The following WWC2 variants were observed in gnomAD, a reference collection of about 807,000 sequenced individuals.
The protein encoded by WWC2 is protein WWC2.
A neutral mutation model predicts 138.5 loss-of-function variants in WWC2; 101 were observed. That is an observed-to-expected ratio of 0.73 (90% CI 0.62 to 0.86). WWC2 has a LOEUF of 0.86. Ranked by LOEUF, WWC2 falls within the 40% of genes least tolerant of loss-of-function variation. The pLI is 0.00. For missense variants in WWC2, 1,420 were observed against 1,419.4 expected, an observed-to-expected ratio of 1.00 and a Z score of -0.01; for synonymous variants, 558 against 538.4, an observed-to-expected ratio of 1.04 and a Z score of -0.50.
intron 4 of WWC2, among the ~76,000 whole-genome samples, chr4:183,210,419 TGTTAAATAA>T (rs1183038193): frequency 3.9e-5 from 6 of 152,148 alleles, no homozygotes; most frequent in Admixed American, 1.3e-4. Flanking sequence ...TTAGGATTCT[TGTTAAATAA>T]GTTAAATAAG....
At chr4:183,120,305 C>G (rs915877486) in intron 1 of WWC2, among the ~76,000 whole-genome samples, 1 of 152,142 alleles carries the variant, frequency 6.6e-6, no homozygotes, top group African/African-American at 2.4e-5. Flanking sequence ...GAATGAAATA[C>G]TGTGAATTGT....
chr4:183,185,337 T>C (rs1272603851), intron 1 of WWC2, among the ~76,000 whole-genome samples: 4 of 152,198 alleles, frequency 2.6e-5, no homozygotes, highest in Non-Finnish European at 5.9e-5. Flanking sequence ...TTTTTTAGCT[T>C]AAGTAGTCAG....
intron 4 of WWC2, among the ~76,000 whole-genome samples, chr4:183,223,981 C>T (rs1735998428): frequency 6.6e-6 from 1 of 152,202 alleles, no homozygotes; most frequent in African/African-American, 2.4e-5. Flanking sequence ...TCCCCCCCAC[C>T]TCGGCCTCCC....
chr4:183,212,872 C>G (rs139574698), intron 4 of WWC2, among the ~76,000 whole-genome samples: 149 of 152,158 alleles, frequency 9.8e-4, no homozygotes, highest in African/African-American at 3.2e-3. Context: ...GTTTAGTTCG[C>G]TCTTAATATC....
At chr4:183,278,151 T>C (rs1368868391) in intron 16 of WWC2, among the ~76,000 whole-genome samples, 2 of 152,188 alleles carry the variant, frequency 1.3e-5, no homozygotes, top group African/African-American at 4.8e-5. Flanking sequence ...AATTGATTTT[T>C]GTATAAGGTA....
chr4:183,136,202 C>G (rs2111084153), intron 1 of WWC2, among the ~76,000 whole-genome samples: 1 of 152,036 alleles, frequency 6.6e-6, no homozygotes, highest in Admixed American at 6.6e-5. Context: ...CATATTGCCT[C>G]TCTCCCATTC....
At chr4:183,217,595 A>C (rs973493297) in intron 4 of WWC2, among the ~76,000 whole-genome samples, 4 of 152,126 alleles carry the variant, frequency 2.6e-5, no homozygotes, top group South Asian at 2.1e-4. Context: ...ATTAAAAAAA[A>C]CAAAATGGAA....
chr4:183,194,992 T>C (rs570766709), intron 2 of WWC2, among the ~76,000 whole-genome samples: 2 of 152,384 alleles, frequency 1.3e-5, no homozygotes, highest in East Asian at 3.9e-4. Context: ...CTGAAAGTTC[T>C]ATGAAGAATC....
At chr4:183,168,602 T>C (rs947828553) in intron 1 of WWC2, among the ~76,000 whole-genome samples, 2 of 152,156 alleles carry the variant, frequency 1.3e-5, no homozygotes, top group African/African-American at 4.8e-5. Context: ...CATTATTGAC[T>C]GTTGTTGGGG....
chr4:183,193,697 A>C lies in WWC2; in HGVS notation c.230A>C (p.Asp77Ala), dbSNP rs1476271057. ...FDPQIGVYYI[D>A]HINKTTQIED... is the part of the protein sequence containing the mutation. Reference sequence around the variant, plus strand: ...CCTCAGATTGGTGTCTACTACATCGATCACATCAACAGTAAGTTTTCCTTT... The same window carrying C: ...CCTCAGATTGGTGTCTACTACATCGCTCACATCAACAGTAAGTTTTCCTTT... Residue 77 changes from aspartate (D) to alanine (A), a missense_variant, in exon 2 of 23, where the codon GAT becomes GCT. Coordinates refer to ENST00000403733, the MANE Select transcript of WWC2 (RefSeq NM_024949.6). 1 of 1,613,364 alleles carries C rather than the reference A, an allele frequency of 6.2e-7. No individual in the cohort carries two copies. Among genetic ancestry groups the C allele is most frequent in the South Asian group, 1.1e-5 (1 of 90,898 alleles).
At chr4:183,137,034 A>G (rs1408123276) in intron 1 of WWC2, among the ~76,000 whole-genome samples, 1 of 152,184 alleles carries the variant, frequency 6.6e-6, no homozygotes, top group East Asian at 1.9e-4. Context: ...TAGAAAAAGT[A>G]CTGTTTAGGG....
chr4:183,165,164 G>A (rs1307014677), intron 1 of WWC2, among the ~76,000 whole-genome samples: 2 of 152,106 alleles, frequency 1.3e-5, no homozygotes, highest in Non-Finnish European at 1.5e-5. Context: ...TTTGAGGGTA[G>A]GACAGGGAGT....
chr4:183,185,520 G>T (rs970196545), intron 1 of WWC2, among the ~76,000 whole-genome samples: 1 of 152,128 alleles, frequency 6.6e-6, no homozygotes, highest in African/African-American at 2.4e-5. Context: ...AATTTAAGAG[G>T]CACATACCCA....
chr4:183,136,570 C>G (rs1393686032), intron 1 of WWC2, among the ~76,000 whole-genome samples: 2 of 152,118 alleles, frequency 1.3e-5, no homozygotes, highest in Non-Finnish European at 2.9e-5. Context: ...GATGGGGATA[C>G]GTTCCGAGAA....
At chr4:183,304,596 C>T (rs553575384) in intron 21 of WWC2, among the ~76,000 whole-genome samples, 2 of 152,164 alleles carry the variant, frequency 1.3e-5, no homozygotes, top group Non-Finnish European at 2.9e-5. Flanking sequence ...TCAACTCTAG[C>T]CCCCTCTAGT....
At chr4:183,240,654 C>T (rs962921530) in intron 5 of WWC2, 24 of 157,794 alleles carry the variant, frequency 1.5e-4, no homozygotes, top group Middle Eastern at 3.3e-3. Flanking sequence ...CTGCAGCTGC[C>T]CTGGGCCCTT....
intron 11 of WWC2, among the ~76,000 whole-genome samples, chr4:183,261,968 A>G (rs1737345114): frequency 1.3e-5 from 2 of 152,234 alleles, no homozygotes; most frequent in East Asian, 1.9e-4. Context: ...AGGGAATTCT[A>G]TATAAATACA....
At chr4:183,279,566 T>G (rs2111398780) in intron 16 of WWC2, among the ~76,000 whole-genome samples, 1 of 152,334 alleles carries the variant, frequency 6.6e-6, no homozygotes, top group East Asian at 1.9e-4. Context: ...AGTTCCTCCT[T>G]GTACTTCTGG....
chr4:183,215,032 C>T (rs1735716811), intron 4 of WWC2, among the ~76,000 whole-genome samples: 1 of 152,164 alleles, frequency 6.6e-6, no homozygotes, highest in Non-Finnish European at 1.5e-5. Flanking sequence ...AGTAGCTCCC[C>T]TTTATTCATA....
Sources: allele counts gnomAD v4.1 joint callset (sites outside exome capture counted in the v4.1 genomes callset), GRCh38; gene constraint gnomAD v4.1.1; transcripts MANE v1.5; gene names NCBI Gene and HGNC (gene_info 2026-07-23, HGNC 2026-07-21).